The following RHOT1 variants were observed in gnomAD, a reference collection of about 807,000 sequenced individuals.
RHOT1 encodes the protein mitochondrial Rho GTPase 1.
Under a neutral mutation model 95.3 loss-of-function variants are expected in RHOT1, and 27 were observed. The observed-to-expected ratio is 0.28, with a 90% CI of 0.21 to 0.39. The LOEUF is 0.39. RHOT1 is among the 10% of genes least tolerant of loss of function. The pLI, the probability that RHOT1 is intolerant of heterozygous loss-of-function variation, is 1.00. For missense variants in RHOT1, 578 were observed against 786.7 expected (o/e 0.73, Z 3.17); for synonymous variants, 227 against 263.5 (o/e 0.86, Z 1.34).
chr17:32,173,240 C>G lies in RHOT1; in HGVS notation c.97-591C>G, dbSNP rs146959004. 4.6e-5 allele frequency among the ~76,000 whole-genome samples: 7 copies of G among 152,222 alleles called. No individual in the cohort carries two copies. The East Asian group carries it at 1.3e-3, about 29-fold the overall frequency. On this transcript the variant is annotated intron_variant, in intron 2 of 19. Transcript: ENST00000545287. ...GAGAGGGGTAATACAAGTTGAGCAT[C>G]CTTTATCCAAAATGCTTGGGACCAG...
intron 8 of RHOT1, among the ~76,000 whole-genome samples, chr17:32,190,653 T>C (rs1220940545): frequency 2.6e-5 from 4 of 152,190 alleles, no homozygotes; most frequent in Non-Finnish European, 4.4e-5. Context: ...AATATAACAA[T>C]GTAGTTTTTA....
At chr17:32,191,770 A>G (rs1213933665) in intron 8 of RHOT1, among the ~76,000 whole-genome samples, 3 of 152,228 alleles carry the variant, frequency 2.0e-5, no homozygotes, top group Non-Finnish European at 2.9e-5. Flanking sequence ...CACACAGGGG[A>G]AAGATCAAAA....
At position 32,192,297 on chromosome 17, in the gene RHOT1, C is replaced by A; in HGVS notation, c.637C>A (p.Gln213Lys). 5 of 1,390,364 alleles carry A rather than the reference C, an allele frequency of 3.6e-6. No individual in the cohort carries two copies. Among genetic ancestry groups the A allele is most frequent in the Non-Finnish European group, 5.0e-6 (5 of 1,002,186 alleles). 86.1% of individuals were successfully genotyped at this position (1,390,364 alleles called of 1,614,324 possible). A position where few individuals can be genotyped will look rare whatever the true frequency, so the allele number is the denominator to read the frequency against. Residue 213 changes from glutamine (Q) to lysine (K), a missense_variant and splice_region_variant, in exon 9 of 20, where the codon CAG (glutamine) becomes AAG (lysine). Transcript: ENST00000545287. Reference protein sequence around the residue: ...TLNDAELNFFQRICFNTPLAP... With the variant: ...TLNDAELNFFKRICFNTPLAP... The stretch of plus-strand genomic sequence containing the variant: ...CAATGATGCTGAACTCAACTTCTTT[C>A]AGGTAATGGTCCTTTATTTCAGACA...
At chr17:32,213,319 T>C (rs1356078809) in intron 19 of RHOT1, among the ~76,000 whole-genome samples, 1 of 152,242 alleles carries the variant, frequency 6.6e-6, no homozygotes, top group East Asian at 1.9e-4. Flanking sequence ...AGCATTGTGT[T>C]ATTTGCAGAT....
chr17:32,192,252 C>G lies in RHOT1; in HGVS notation c.592C>G (p.Gln198Glu). ...TACTCGTATATTTAAAATATCTGATCAAGATAATGATGGTACTCTCAATGA... is the reference window on the plus strand; with the variant it reads ...TACTCGTATATTTAAAATATCTGATGAAGATAATGATGGTACTCTCAATGA... ...ALTRIFKISD[Q>E]DNDGTLNDAE... Residue 198 changes from glutamine to glutamate, a missense_variant, in exon 9 of 20, where the codon CAA becomes GAA. By Grantham distance (29) the Gln-to-Glu change is conservative. This residue lies in a region of RHOT1 where 227 missense variants were observed against 316.0 expected (regional missense o/e 0.72). Transcript: ENST00000545287. The G allele has an allele frequency of 6.3e-7, 1 of 1,581,322 alleles. No individual in the cohort carries two copies. The highest frequency in any genetic ancestry group is 8.6e-7 in the Non-Finnish European group (1 of 1,162,602).
chr17:32,143,243 G>A, intron 1 of RHOT1: 1 of 373,720 alleles, frequency 2.7e-6, no homozygotes, highest in South Asian at 2.1e-5. Context: ...TCGACTTGTG[G>A]GCAAGGTCAG....
intron 18 of RHOT1, chr17:32,209,157 G>C: frequency 3.0e-6 from 1 of 332,558 alleles, no homozygotes; most frequent in Non-Finnish European, 5.5e-6. Context: ...TTTCAAAAAG[G>C]TGTTGATTTG....
At position 32,149,014 on chromosome 17, in the gene RHOT1, A is replaced by G. The variant is rs111876261; in HGVS notation, c.37+6285A>G. ...GAGTCTCAGAACTGTGGCATATTCTATTGAACTGGATCAGAAGGCCTTCTG... is the reference window on the plus strand; with the variant it reads ...GAGTCTCAGAACTGTGGCATATTCTGTTGAACTGGATCAGAAGGCCTTCTG... On this transcript the variant is annotated intron_variant, in intron 1 of 19. Transcript: ENST00000545287. Among the ~76,000 whole-genome samples, 323 of 152,320 alleles carry G rather than the reference A, an allele frequency of 2.1e-3. 1 individual carries two copies. The highest frequency in any genetic ancestry group is 4.1e-3 in the South Asian group (20 of 4,822).
intron 1 of RHOT1, chr17:32,150,908 T>G (rs1417935788): frequency 1.0e-5 from 16 of 1,546,370 alleles, no homozygotes; most frequent in Non-Finnish European, 1.4e-5. Flanking sequence ...CTGGGGGAGG[T>G]GGGCACATTC....
intron 17 of RHOT1, 127 bp from the exon 18 acceptor site, chr17:32,207,980 T>C: frequency 1.4e-6 from 1 of 736,310 alleles, no homozygotes; most frequent in Non-Finnish European, 2.2e-6. Flanking sequence ...CTTTGCCTTT[T>C]GGTTCACTTT....
chr17:32,193,356 A>T, intron 10 of RHOT1, 112 bp downstream of exon 10: 1 of 706,258 alleles, frequency 1.4e-6, no homozygotes, highest in South Asian at 1.7e-5. Flanking sequence ...AATATTTACT[A>T]GTATGCCTAA....
chr17:32,150,284 A>G (rs2032122991), intron 1 of RHOT1: 1 of 232,994 alleles, frequency 4.3e-6, no homozygotes, highest in Non-Finnish European at 8.2e-6. Context: ...ACTGATGAAG[A>G]TGTGCTATTT....
chr17:32,223,721 T>A (rs1436544947), intron 19 of RHOT1, among the ~76,000 whole-genome samples: 1 of 152,140 alleles, frequency 6.6e-6, no homozygotes, highest in East Asian at 1.9e-4. Flanking sequence ...GCCAATTTTT[T>A]AAGTTTTCTA....
intron 1 of RHOT1, among the ~76,000 whole-genome samples, chr17:32,167,966 T>G (rs1245871254): frequency 6.6e-6 from 1 of 152,028 alleles, no homozygotes; most frequent in East Asian, 1.9e-4. Flanking sequence ...CCCAGGAGTT[T>G]GAGGCTACAG....
At chr17:32,160,668 C>T (rs958557869) in intron 1 of RHOT1, among the ~76,000 whole-genome samples, 5 of 152,182 alleles carry the variant, frequency 3.3e-5, no homozygotes, top group African/African-American at 7.2e-5. Flanking sequence ...GCTTGTGATG[C>T]GCCTGGTCCA....
intron 8 of RHOT1, among the ~76,000 whole-genome samples, chr17:32,184,230 T>C (rs1307929426): frequency 6.6e-6 from 1 of 152,140 alleles, no homozygotes; most frequent in Admixed American, 6.6e-5. Context: ...CTATTAGCAG[T>C]CACTCCCTAT....
At chr17:32,173,971 ATACT>A (rs1484352525) in intron 3 of RHOT1, 59 bp downstream of exon 3, 4 of 1,159,346 alleles carry the variant, frequency 3.5e-6, no homozygotes, top group African/African-American at 3.1e-5. Context: ...TTGAAAAAAG[ATACT>A]TACTGAGCTT....
chr17:32,201,470 G>A (rs1598427902), intron 14 of RHOT1, among the ~76,000 whole-genome samples: 2 of 152,346 alleles, frequency 1.3e-5, no homozygotes, highest in South Asian at 4.1e-4. Context: ...TAAACCATAT[G>A]TATGGAAATA....
At chr17:32,188,358 T>C (rs2036214636) in intron 8 of RHOT1, among the ~76,000 whole-genome samples, 2 of 152,224 alleles carry the variant, frequency 1.3e-5, no homozygotes, top group South Asian at 4.1e-4. Flanking sequence ...TCCATTAACC[T>C]TCAATTGGAA....
Sources: allele counts gnomAD v4.1 joint callset (sites outside exome capture counted in the v4.1 genomes callset), GRCh38; gene constraint gnomAD v4.1.1; regional missense constraint gnomAD v4.1.1; transcripts MANE v1.5; gene names NCBI Gene and HGNC (gene_info 2026-07-23, HGNC 2026-07-21).